FRMPD4: variants seen among roughly 807,000 people sequenced by gnomAD.
FRMPD4 encodes FERM and PDZ domain containing 4.
FRMPD4 carries 22 observed loss-of-function variants against 94.1 expected under a neutral mutation model. The ratio of observed to expected loss-of-function variants is 0.23; its 90% confidence interval spans 0.17 to 0.33. The LOEUF is 0.33. FRMPD4 is among the 10% of genes least tolerant of loss of function. FRMPD4 has a pLI of 1.00. For missense variants in FRMPD4, 1,111 were observed against 1,339.9 expected (o/e 0.83, Z 2.67); for synonymous variants, 631 against 548.6 (o/e 1.15, Z -2.10).
chrX:12,539,406 G>A (rs185750896), intron 2 of FRMPD4, among the ~76,000 whole-genome samples: 126 of 111,717 alleles, frequency 1.1e-3, no homozygotes, highest in East Asian at 2.8e-3. Flanking sequence ...TAGCAAGGCA[G>A]GCCAACATTC....
intron 1 of FRMPD4, among the ~76,000 whole-genome samples, chrX:12,332,940 A>T (rs1038750091): frequency 4.5e-5 from 5 of 112,008 alleles, no homozygotes; most frequent in Middle Eastern, 4.6e-3. Flanking sequence ...TTTTATATGG[A>T]ATGGCAGTAG....
intron 1 of FRMPD4, among the ~76,000 whole-genome samples, chrX:12,379,809 G>A (rs998173215): frequency 3.6e-5 from 4 of 110,861 alleles, no homozygotes; most frequent in African/African-American, 1.3e-4. Flanking sequence ...AAAGAAGAGA[G>A]ATGTTCAAGT....
chrX:12,700,099 C>A (rs1010470926), intron 9 of FRMPD4, among the ~76,000 whole-genome samples: 11 of 111,389 alleles, frequency 9.9e-5, no homozygotes, highest in African/African-American at 3.6e-4. Flanking sequence ...TTAAGGCTGG[C>A]TTTGGGGAAA....
chrX:12,111,286 C>T (rs2055359112), intron 3 of FRMPD4, among the ~76,000 whole-genome samples: 2 of 111,603 alleles, frequency 1.8e-5, no homozygotes. Flanking sequence ...ACCATCTGAT[C>T]TTTGACAAAC....
intron 3 of FRMPD4, among the ~76,000 whole-genome samples, chrX:11,989,953 C>A (rs900102717): frequency 9.0e-6 from 1 of 111,541 alleles, no homozygotes; most frequent in Non-Finnish European, 1.9e-5. Context: ...TGATTCCACT[C>A]CTAGGTATGT....
At chrX:12,124,445 T>C in intron 3 of FRMPD4, among the ~76,000 whole-genome samples, 1 of 111,636 alleles carries the variant, frequency 9.0e-6, no homozygotes, top group Non-Finnish European at 1.9e-5. Flanking sequence ...ATTTCATAAT[T>C]TGAGACCTGA....
intron 13 of FRMPD4, among the ~76,000 whole-genome samples, chrX:12,709,272 C>G (rs2041938492): frequency 2.7e-5 from 3 of 111,364 alleles, no homozygotes; most frequent in African/African-American, 6.5e-5. Context: ...GCCCAGTGTC[C>G]TATACCTAGG....
At chrX:11,836,860 T>C (rs1407301112) in intron 1 of FRMPD4, among the ~76,000 whole-genome samples, 1 of 111,955 alleles carries the variant, frequency 8.9e-6, no homozygotes, top group East Asian at 2.8e-4. Flanking sequence ...AATTTAAAAG[T>C]TCTATTTCAT....
At chrX:12,443,036 C>T (rs777262015) in intron 1 of FRMPD4, among the ~76,000 whole-genome samples, 14 of 111,016 alleles carry the variant, frequency 1.3e-4, no homozygotes, top group Non-Finnish European at 2.5e-4. Flanking sequence ...TAGGCAAATC[C>T]ACAGAGACAA....
At chrX:11,882,465 A>C (rs1380266753) in intron 3 of FRMPD4, among the ~76,000 whole-genome samples, 2 of 111,405 alleles carry the variant, frequency 1.8e-5, no homozygotes, top group Non-Finnish European at 3.8e-5. Flanking sequence ...AGCATCCCTA[A>C]TTCGAAAATC....
At chrX:12,114,935 T>C (rs905575107) in intron 3 of FRMPD4, among the ~76,000 whole-genome samples, 2 of 112,427 alleles carry the variant, frequency 1.8e-5, no homozygotes, top group African/African-American at 6.5e-5. Flanking sequence ...TAACCTATCC[T>C]AGCTTTGCTC....
intron 1 of FRMPD4, among the ~76,000 whole-genome samples, chrX:12,318,917 A>G (rs183800058): frequency 1.8e-5 from 2 of 111,075 alleles, no homozygotes; most frequent in African/African-American, 3.3e-5. Context: ...AACATAGGGG[A>G]AAGCACCGGG....
At chrX:12,134,491 T>C (rs1184027755), upstream of FRMPD4, among the ~76,000 whole-genome samples, 1 of 112,201 alleles carries the variant, frequency 8.9e-6, no homozygotes, top group East Asian at 2.8e-4. Flanking sequence ...ATGGTCGAGA[T>C]GCTTCAGTCC....
At chrX:12,153,213 G>C (rs992318898) in intron 1 of FRMPD4, among the ~76,000 whole-genome samples, 1 of 111,504 alleles carries the variant, frequency 9.0e-6, no homozygotes, top group Non-Finnish European at 1.9e-5. Context: ...TGGGATTACA[G>C]GCGTGAGCCA....
intron 2 of FRMPD4, among the ~76,000 whole-genome samples, chrX:12,542,185 A>G (rs376207005): frequency 1.8e-5 from 2 of 112,378 alleles, no homozygotes; most frequent in African/African-American, 6.5e-5. Flanking sequence ...GCACAAGACA[A>G]GGATGCCCTC....
chrX:12,343,412 G>A (rs936705722), intron 1 of FRMPD4, among the ~76,000 whole-genome samples: 1 of 111,545 alleles, frequency 9.0e-6, no homozygotes, highest in African/African-American at 3.3e-5. Context: ...GGCCCAGCAG[G>A]TCAGTTAGAA....
intron 1 of FRMPD4, among the ~76,000 whole-genome samples, chrX:12,150,571 GA>G (rs952817233): frequency 1.8e-4 from 20 of 112,237 alleles, no homozygotes; most frequent in African/African-American, 6.5e-4. Context: ...AAAGAAAATA[GA>G]AGGCTAAGTG....
intron 1 of FRMPD4, among the ~76,000 whole-genome samples, chrX:12,418,350 C>CTTTTTTTTTTT (rs540740432): frequency 4.9e-5 from 4 of 81,076 alleles, no homozygotes; most frequent in African/African-American, 9.5e-5. Context: ...GTGTTTCTTT[C>CTTTTTTTTTTT]TTTTTTTTTT....
chrX:12,315,177 AC>A (rs1218544773), intron 1 of FRMPD4, among the ~76,000 whole-genome samples: 2 of 112,209 alleles, frequency 1.8e-5, no homozygotes, highest in East Asian at 5.6e-4. Flanking sequence ...GTGCCGAGTG[AC>A]TAATATACTA....
Sources: gnomAD v4.1 joint callset for allele counts (sites outside exome capture counted in the v4.1 genomes callset) on GRCh38, gnomAD v4.1.1 for gene constraint, MANE v1.5 for transcripts, NCBI Gene and HGNC (gene_info 2026-07-23, HGNC 2026-07-21) for gene names.